Variants in TEX11 observed in about 807,000 individuals in gnomAD.
TEX11 encodes the protein testis expressed 11, also known as testis-expressed protein 11.
A neutral mutation model predicts 84.4 loss-of-function variants in TEX11; 7 were observed. That is an observed-to-expected ratio of 0.08 (90% CI 0.05 to 0.16). The LOEUF (loss-of-function observed/expected upper bound fraction) is 0.16, where lower values mean the gene tolerates loss of function less well. Ranked by LOEUF, TEX11 falls within the 10% of genes least tolerant of loss-of-function variation. TEX11 has a pLI of 1.00. For synonymous variants in TEX11, 264 were observed against 222.8 expected, an observed-to-expected ratio of 1.18 and a Z score of -1.64; for missense variants, 551 against 660.5, an observed-to-expected ratio of 0.83 and a Z score of 1.82.
chrX:70,558,219 G>GATATAT (rs58659453), intron 25 of TEX11, among the ~76,000 whole-genome samples: 2 of 107,348 alleles, frequency 1.9e-5, no homozygotes, highest in African/African-American at 6.8e-5. Flanking sequence ...CTGACATAAG[G>GATATAT]ATATATATAT....
At chrX:70,899,141 T>C (rs568924509) in intron 2 of TEX11, among the ~76,000 whole-genome samples, 1 of 112,056 alleles carries the variant, frequency 8.9e-6, no homozygotes, top group East Asian at 2.8e-4. Context: ...TCCTTTGAGA[T>C]TCAATGAAAG....
intron 10 of TEX11, among the ~76,000 whole-genome samples, chrX:70,741,904 T>C (rs2090736059): frequency 8.9e-6 from 1 of 111,847 alleles, no homozygotes; most frequent in Non-Finnish European, 1.9e-5. Flanking sequence ...AAGTTTATCA[T>C]TATCTTCCCA....
chrX:70,699,219 G>A (rs1020387305), intron 13 of TEX11, among the ~76,000 whole-genome samples: 1 of 111,271 alleles, frequency 9.0e-6, no homozygotes, highest in African/African-American at 3.3e-5. Flanking sequence ...AAAACATAGA[G>A]TGTTCAGCCC....
intron 21 of TEX11, 63 bp downstream of exon 21, chrX:70,610,440 T>C: frequency 9.6e-7 from 1 of 1,042,121 alleles, no homozygotes; most frequent in Non-Finnish European, 1.3e-6. Flanking sequence ...TTAGTGTACT[T>C]GGAGAATTCA....
rs914773695 is a variant in TEX11 at position 70,737,688 on chromosome X, C to G, written c.843+3013G>C. Among the ~76,000 whole-genome samples, 20 of 108,068 alleles carry G rather than the reference C, an allele frequency of 1.9e-4. No individual in the cohort carries two copies. In the East Asian group the frequency reaches 5.8e-3, roughly 31 times the overall value. 93.8% of individuals were successfully genotyped at this position (108,068 alleles called of 115,157 possible). On this transcript the variant is annotated intron_variant, in intron 11 of 29. Transcript: ENST00000374333. ...TGGAATGAAATATTTAAAATACCCC[C>G]CCCCCAAAAAAAGCTGTCTGGTTTA...
chrX:70,547,079 C>T (rs1354579885), intron 28 of TEX11, among the ~76,000 whole-genome samples: 2 of 78,839 alleles, frequency 2.5e-5, no homozygotes, highest in African/African-American at 9.7e-5. Flanking sequence ...AATGCTACAA[C>T]ATGGACGAAC....
the TEX11 span, among the ~76,000 whole-genome samples, chrX:70,521,220 T>C: frequency 9.0e-6 from 1 of 111,072 alleles, no homozygotes; most frequent in African/African-American, 3.3e-5. Flanking sequence ...GTCTTCTGAG[T>C]TGATCATGCT....
chrX:70,519,230 T>A, the TEX11 span, among the ~76,000 whole-genome samples: 4 of 112,201 alleles, frequency 3.6e-5, no homozygotes, highest in Non-Finnish European at 5.6e-5. Context: ...CAATTTGGCA[T>A]GTTTTTGCAG....
At chrX:70,596,833 G>A (rs1329817928) in intron 24 of TEX11, among the ~76,000 whole-genome samples, 1 of 110,973 alleles carries the variant, frequency 9.0e-6, no homozygotes, top group Non-Finnish European at 1.9e-5. Flanking sequence ...ACCAAAAGTT[G>A]TTCTCGAAAA....
Position 70,529,868 on chromosome X carries a change from G to A in TEX11, c.2652C>T (p.His884=). 8.3e-7 allele frequency: 1 copy of A among 1,211,097 alleles called. No homozygotes were observed. The highest frequency in any genetic ancestry group is 1.8e-5 in the South Asian group (1 of 56,839). ...WCGLALRFLN[H]LTSFKESYET... ...CATAGCTTTCCTTGAAGGAGGTAAG[G>A]TGGTTAAGGAAACGCAAGGCCAGGC... is the stretch of plus-strand genomic sequence containing the variant. The change falls in exon 29 of 30, where the codon CAC becomes CAT. Residue 884 remains histidine (H), a synonymous_variant. Transcript: ENST00000374333.
At chrX:70,567,803 C>A (rs1569330889) in intron 25 of TEX11, among the ~76,000 whole-genome samples, 1 of 111,172 alleles carries the variant, frequency 9.0e-6, no homozygotes, top group Non-Finnish European at 1.9e-5. Context: ...TTTACATTTG[C>A]TGAGGAGAGC....
chrX:70,908,193 GC>G (rs2091844815), intron 1 of TEX11, among the ~76,000 whole-genome samples: 1 of 111,365 alleles, frequency 9.0e-6, no homozygotes, highest in African/African-American at 3.3e-5. Flanking sequence ...TCAGTATCCT[GC>G]CCCCAACGGT....
At chrX:70,597,746 T>C (rs749498242) in intron 24 of TEX11, among the ~76,000 whole-genome samples, 13 of 111,524 alleles carry the variant, frequency 1.2e-4, no homozygotes, top group Non-Finnish European at 2.4e-4. Flanking sequence ...ATAAATAAAA[T>C]GGATATCATC....
intron 25 of TEX11, among the ~76,000 whole-genome samples, chrX:70,556,859 C>A (rs1165746656): frequency 9.0e-6 from 1 of 111,137 alleles, no homozygotes; most frequent in African/African-American, 3.3e-5. Flanking sequence ...CAATCTTATT[C>A]ACAAGATGAT....
chrX:70,833,214 G>C (rs749755640), intron 8 of TEX11, among the ~76,000 whole-genome samples: 10 of 107,338 alleles, frequency 9.3e-5, no homozygotes, highest in African/African-American at 3.4e-4. Flanking sequence ...AGGTTGCAGT[G>C]AGCTGAGATC....
At chrX:70,639,709 C>T (rs1382092234) in intron 17 of TEX11, among the ~76,000 whole-genome samples, 1 of 111,683 alleles carries the variant, frequency 9.0e-6, no homozygotes, top group Non-Finnish European at 1.9e-5. Context: ...GCTGAGGGTC[C>T]TGTCTGTTAG....
chrX:70,739,861 A>G (rs1173697451), intron 11 of TEX11, among the ~76,000 whole-genome samples: 1 of 111,473 alleles, frequency 9.0e-6, no homozygotes, highest in Non-Finnish European at 1.9e-5. Context: ...ATGCAATCAT[A>G]GTGCACTGCA....
chrX:70,693,041 G>A (rs1034119753), intron 13 of TEX11, among the ~76,000 whole-genome samples: 2 of 111,271 alleles, frequency 1.8e-5, no homozygotes, highest in African/African-American at 6.6e-5. Context: ...AGGAGTTCAA[G>A]ACCAGCCTGA....
At chrX:70,676,632 T>C (rs1014761061) in intron 15 of TEX11, among the ~76,000 whole-genome samples, 52 of 112,278 alleles carry the variant, frequency 4.6e-4, no homozygotes, top group African/African-American at 1.7e-3. Context: ...TCTGTGCATT[T>C]AGAGTTTTCA....
Sources: gnomAD v4.1 joint callset for allele counts (sites outside exome capture counted in the v4.1 genomes callset) on GRCh38, gnomAD v4.1.1 for gene constraint, MANE v1.5 for transcripts, NCBI Gene and HGNC (gene_info 2026-07-23, HGNC 2026-07-21) for gene names.